The following LATS2 variants were observed in gnomAD, a reference collection of about 807,000 sequenced individuals.
The protein encoded by LATS2 is serine/threonine-protein kinase LATS2.
In LATS2, 24 loss-of-function variants were observed where a neutral mutation model predicts 76.0. That is an observed-to-expected ratio of 0.32 (90% CI 0.23 to 0.44). LATS2 has a LOEUF of 0.44. Among genes scored for constraint, LATS2 ranks in the 20% least tolerant of loss-of-function variants. The pLI is 1.00. For missense variants in LATS2, 1,286 were observed against 1,481.2 expected (o/e 0.87, Z 2.16); for synonymous variants, 692 against 635.4 (o/e 1.09, Z -1.34).
chr13:21,007,913 T>C (rs1871424418), intron 2 of LATS2, among the ~76,000 whole-genome samples: 1 of 147,640 alleles, frequency 6.8e-6, no homozygotes, highest in African/African-American at 2.5e-5. Context: ...ATGCGAATCA[T>C]CACAACCGAC....
chr13:21,026,107 C>T (rs1324906073), intron 2 of LATS2, among the ~76,000 whole-genome samples: 3 of 152,186 alleles, frequency 2.0e-5, no homozygotes, highest in Admixed American at 2.0e-4. Context: ...GCCCCACCCT[C>T]CTCTAGGCAT....
At chr13:21,059,940 G>C (rs1259542008) in intron 1 of LATS2, among the ~76,000 whole-genome samples, 1 of 152,250 alleles carries the variant, frequency 6.6e-6, no homozygotes, top group Non-Finnish European at 1.5e-5. Flanking sequence ...CCTCCAGCCT[G>C]GGAGACAGAG....
intron 2 of LATS2, chr13:21,018,125 T>C (rs902530851): frequency 1.3e-5 from 2 of 152,204 alleles, no homozygotes; most frequent in African/African-American, 4.8e-5. Flanking sequence ...GACTTTTAGG[T>C]AGAATACATG....
rs1360948026 is a variant in LATS2 at position 20,990,498 on chromosome 13, G to A, written c.475+774C>T. Among the ~76,000 whole-genome samples the A allele has an allele frequency of 1.1e-4, 10 of 88,346 alleles. No homozygotes were observed. In the South Asian group the frequency reaches 1.4e-3, roughly 12 times the overall value. The allele number at this position is 88,346 out of a possible 152,430, so 58.0% of individuals were successfully genotyped here. A position where few individuals can be genotyped will look rare whatever the true frequency, so the allele number is the denominator to read the frequency against. ...TTTTTTTTTTTTTTTAAATACAGAC[G>A]AGGTCTCCCTCTGTTGCCCAGGCTG... On this transcript the variant is annotated intron_variant, in intron 3 of 7. Coordinates refer to ENST00000382592, the MANE Select transcript of LATS2 (RefSeq NM_014572.3).
At chr13:20,977,467 GGA>G (rs1401430297) in intron 7 of LATS2, among the ~76,000 whole-genome samples, 1 of 151,764 alleles carries the variant, frequency 6.6e-6, no homozygotes, top group African/African-American at 2.4e-5. Flanking sequence ...GTGCTGAAAA[GGA>G]GAGTGGGGAG....
At position 20,973,971 on chromosome 13, in the gene LATS2, T is replaced by C. The variant is rs1435378825; in HGVS notation, c.*899A>G. The C allele has an allele frequency of 2.4e-4, 46 of 188,082 alleles. No homozygotes were observed. The highest frequency in any genetic ancestry group is 6.9e-4 in the African/African-American group (26 of 37,634). 11.7% of individuals were successfully genotyped at this position (188,082 alleles called of 1,614,324 possible). The stretch of plus-strand genomic sequence containing the variant: ...TTCAGTATATGACAAATGTTTCAGT[T>C]CCCCCCCCCCAAAGAATCCAATCAC... On this transcript the variant is annotated 3_prime_UTR_variant, in exon 8 of 8. Transcript: ENST00000382592.
At chr13:21,012,477 A>AC (rs1332368338) in intron 2 of LATS2, among the ~76,000 whole-genome samples, 29 of 152,226 alleles carry the variant, frequency 1.9e-4, no homozygotes, top group Non-Finnish European at 3.8e-4. Context: ...ATCTCATGGG[A>AC]CCATCATCAT....
intron 2 of LATS2, among the ~76,000 whole-genome samples, chr13:21,009,085 C>T (rs780102705): frequency 2.6e-5 from 4 of 152,280 alleles, no homozygotes; most frequent in Non-Finnish European, 4.4e-5. Flanking sequence ...GTCCTGCCAG[C>T]GATTTGGGCC....
chr13:21,045,127 G>T (rs994189110), intron 2 of LATS2, among the ~76,000 whole-genome samples: 1 of 151,986 alleles, frequency 6.6e-6, no homozygotes, highest in Non-Finnish European at 1.5e-5. Flanking sequence ...CAATTTTGAC[G>T]ATTTCTCAAG....
intron 2 of LATS2, among the ~76,000 whole-genome samples, chr13:21,036,256 T>A (rs1314348065): frequency 6.6e-6 from 1 of 151,348 alleles, no homozygotes; most frequent in Non-Finnish European, 1.5e-5. Context: ...ATTATCAAAC[T>A]CCTGACCTGA....
intron 2 of LATS2, among the ~76,000 whole-genome samples, chr13:21,021,259 G>A (rs7329837): frequency 0.083 from 12,649 of 152,010 alleles, 1,101 homozygotes; most frequent in East Asian, 0.44. Context: ...GATCACTTGA[G>A]GTCAGGAGTT....
intron 2 of LATS2, among the ~76,000 whole-genome samples, chr13:21,032,545 G>A (rs7985354): frequency 1.3e-5 from 2 of 152,020 alleles, no homozygotes; most frequent in African/African-American, 4.8e-5. Flanking sequence ...GGATTATAGG[G>A]GTGAGCCACT....
intron 2 of LATS2, among the ~76,000 whole-genome samples, chr13:21,023,746 C>T (rs942752764): frequency 4.7e-5 from 7 of 148,398 alleles, no homozygotes; most frequent in Non-Finnish European, 7.4e-5. Flanking sequence ...GGCTGAGCCG[C>T]GTGGATCACC....
At chr13:20,980,074 T>C (rs1212468588) in intron 6 of LATS2, among the ~76,000 whole-genome samples, 4 of 152,238 alleles carry the variant, frequency 2.6e-5, no homozygotes, top group Non-Finnish European at 5.9e-5. Context: ...AGCAAATAGT[T>C]ACTAGCCAGA....
intron 1 of LATS2, among the ~76,000 whole-genome samples, chr13:21,049,063 T>C (rs1873171906): frequency 6.6e-6 from 1 of 152,042 alleles, no homozygotes; most frequent in South Asian, 2.1e-4. Context: ...GGAATGGAAT[T>C]CCAGCTAGAG....
rs1339624750 is a variant in LATS2 at position 20,991,188 on chromosome 13, CCAGGT to C, written c.475+79_475+83del. The C allele has an allele frequency of 7.8e-6, 12 of 1,539,326 alleles. No individual in the cohort carries two copies. The highest frequency in any genetic ancestry group is 1.1e-5 in the Non-Finnish European group (12 of 1,124,224). On this transcript the variant is annotated intron_variant, in intron 3 of 7. Coordinates refer to ENST00000382592, the MANE Select transcript of LATS2 (RefSeq NM_014572.3). This position sits in a 1 kb window ranked among gnomAD's most constrained non-coding sequence, Gnocchi z 4.9. ...GGAGACTGGCTCTGGCCAGGCCAGGCCAGGTTGGACCCCTCTGCACGTGGTTTTGT... is the reference window on the plus strand; with the variant it reads ...GGAGACTGGCTCTGGCCAGGCCAGGCTGGACCCCTCTGCACGTGGTTTTGT...
At chr13:21,056,971 G>A (rs759167381) in intron 1 of LATS2, among the ~76,000 whole-genome samples, 3 of 152,232 alleles carry the variant, frequency 2.0e-5, no homozygotes, top group Non-Finnish European at 2.9e-5. Flanking sequence ...ATGTTGGGGA[G>A]GGTGCAGGTG....
intron 1 of LATS2, among the ~76,000 whole-genome samples, chr13:21,059,785 G>A (rs1595262947): frequency 6.6e-6 from 1 of 152,020 alleles, no homozygotes; most frequent in South Asian, 2.1e-4. Context: ...TGGCCAACAC[G>A]GCGAAACCCG....
intron 2 of LATS2, among the ~76,000 whole-genome samples, chr13:21,002,136 A>G (rs974163825): frequency 4.0e-5 from 6 of 151,562 alleles, no homozygotes; most frequent in African/African-American, 1.5e-4. Flanking sequence ...GATGGTCTCG[A>G]TCTCCTGACC....
Sources: gnomAD v4.1 joint callset for allele counts (sites outside exome capture counted in the v4.1 genomes callset) on GRCh38, gnomAD v4.1.1 for gene constraint, Gnocchi (gnomAD v3.1) non-coding constraint, MANE v1.5 for transcripts, NCBI Gene and HGNC (gene_info 2026-07-23, HGNC 2026-07-21) for gene names.